The following CFTR variants were observed in gnomAD, a reference collection of about 807,000 sequenced individuals.
CFTR encodes cystic fibrosis transmembrane conductance regulator.
CFTR carries 181 observed loss-of-function variants against 171.6 expected under a neutral mutation model. The ratio of observed to expected loss-of-function variants is 1.05; its 90% CI spans 0.93 to 1.19. The LOEUF is 1.19. Ranked by LOEUF, CFTR falls within the 50% of genes most tolerant of loss-of-function variation. The pLI is 0.00. For missense variants in CFTR, 1,968 were observed against 1,734.7 expected, an observed-to-expected ratio of 1.13 and a Z score of -2.39; for synonymous variants, 583 against 608.0, an observed-to-expected ratio of 0.96 and a Z score of 0.60.
At chr7:117,500,189 G>A (rs956820342) in intron 1 of CFTR, among the ~76,000 whole-genome samples, 3 of 150,892 alleles carry the variant, frequency 2.0e-5, no homozygotes, top group Non-Finnish European at 4.4e-5. Context: ...AAGTGTCTAA[G>A]TATAGATGTC....
chr7:117,540,956 AAC>A (rs1799042746), intron 8 of CFTR, among the ~76,000 whole-genome samples: 1 of 151,996 alleles, frequency 6.6e-6, no homozygotes, highest in South Asian at 2.1e-4. Context: ...CACACACATA[AAC>A]ACACACACTC....
chr7:117,537,527 T>G (rs2116679879), intron 7 of CFTR, among the ~76,000 whole-genome samples: 1 of 152,134 alleles, frequency 6.6e-6, no homozygotes, highest in African/African-American at 2.4e-5. Context: ...CAGGGAAAAA[T>G]ATACTAAAAA....
At chr7:117,516,035 G>T (rs1798591393) in intron 3 of CFTR, among the ~76,000 whole-genome samples, 1 of 152,122 alleles carries the variant, frequency 6.6e-6, no homozygotes, top group Admixed American at 6.6e-5. Context: ...ATTAGAAATT[G>T]CTTGTGATAA....
chr7:117,608,306 G>A (rs1792332565), intron 18 of CFTR, among the ~76,000 whole-genome samples: 1 of 152,042 alleles, frequency 6.6e-6, no homozygotes, highest in African/African-American at 2.4e-5. Context: ...CTCGGTTCAA[G>A]CGATTCTCTC....
At position 117,587,766 on chromosome 7, in the gene CFTR, A is replaced by C. The variant is rs1338761294; in HGVS notation, c.1612A>C (p.Asn538His). ...EDISKFAEKD[N>H]IVLGEGGITL... ...CATCTCCAAGTTTGCAGAGAAAGACAATATAGTTCTTGGAGAAGGTGGAAT... is the reference window on the plus strand; with the variant it reads ...CATCTCCAAGTTTGCAGAGAAAGACCATATAGTTCTTGGAGAAGGTGGAAT... The change falls in exon 12 of 27, where the codon AAT becomes CAT. Residue 538 changes from asparagine (N) to histidine (H), a missense_variant. Coordinates refer to ENST00000003084, the MANE Select transcript of CFTR (RefSeq NM_000492.4). The C allele has an allele frequency of 1.2e-6, 2 of 1,611,288 alleles. No homozygotes were observed. Among genetic ancestry groups the C allele is most frequent in the African/African-American group, 2.7e-5 (2 of 74,850 alleles).
rs533582516 is a variant in CFTR at position 117,490,259 on chromosome 7, G to A, written c.53+10112G>A. 4.0e-5 allele frequency among the ~76,000 whole-genome samples: 6 copies of A among 150,420 alleles called. No individual in the cohort carries two copies. In the South Asian group the frequency reaches 1.1e-3, roughly 26 times the overall value. On this transcript the variant is annotated intron_variant, in intron 1 of 26. Coordinates refer to ENST00000003084, the MANE Select transcript of CFTR (RefSeq NM_000492.4). ...ATTATTATGATATCAAAAATTCATT[G>A]AGTATTTACTCTGCATATTAGTCAA...
chr7:117,506,535 T>C (rs950353181), intron 2 of CFTR, among the ~76,000 whole-genome samples: 1 of 152,190 alleles, frequency 6.6e-6, no homozygotes, highest in Admixed American at 6.6e-5. Flanking sequence ...TGTGAGCCAC[T>C]ATGCCCAGCT....
At chr7:117,484,818 T>C (rs1010544852) in intron 1 of CFTR, among the ~76,000 whole-genome samples, 5 of 152,036 alleles carry the variant, frequency 3.3e-5, no homozygotes, top group African/African-American at 1.2e-4. Flanking sequence ...CCTATAGTTT[T>C]TTATATGCTA....
At chr7:117,508,280 G>A (rs1370264708) in intron 2 of CFTR, among the ~76,000 whole-genome samples, 1 of 152,084 alleles carries the variant, frequency 6.6e-6, no homozygotes, top group Non-Finnish European at 1.5e-5. Context: ...AGAGAAAAAA[G>A]GCTTTCATTA....
intron 12 of CFTR, among the ~76,000 whole-genome samples, chr7:117,589,968 T>C (rs1418818809): frequency 6.6e-6 from 1 of 152,028 alleles, no homozygotes; most frequent in Non-Finnish European, 1.5e-5. Context: ...AGCATGGTAC[T>C]TGCCTCTAAA....
rs1276867493 is a variant in CFTR, at chr7:117,587,754, G to T, written c.1600G>T (p.Ala534Ser). Residue 534 changes from alanine (A) to serine (S), a missense_variant, in exon 12 of 27, where the codon GCA becomes TCA. Transcript: ENST00000003084. ...TTGGTAATAGGACATCTCCAAGTTTGCAGAGAAAGACAATATAGTTCTTGG... is the reference window on the plus strand; with the variant it reads ...TTGGTAATAGGACATCTCCAAGTTTTCAGAGAAAGACAATATAGTTCTTGG... The part of the protein sequence containing the change: ...CQLEEDISKF[A>S]EKDNIVLGEG... 1 of 1,607,968 alleles carries T rather than the reference G, an allele frequency of 6.2e-7. No homozygotes were observed. Among genetic ancestry groups the T allele is most frequent in the Non-Finnish European group, 8.5e-7 (1 of 1,174,620 alleles).
In CFTR at chr7:117,493,556, G is replaced by A. The variant is rs574621596; in HGVS notation, c.54-10697G>A. The stretch of plus-strand genomic sequence containing the variant: ...TGCTGTCCAATCCTGCCTCTCTCAA[G>A]CTTTGCTATTGATCTCCCTCCCAGT... On this transcript the variant is annotated intron_variant, in intron 1 of 26. Transcript: ENST00000003084. 2.0e-5 allele frequency among the ~76,000 whole-genome samples: 3 copies of A among 152,078 alleles called. No homozygotes were observed. The East Asian group carries it at 5.8e-4, about 29-fold the overall frequency.
chr7:117,498,694 A>G (rs1202984343), intron 1 of CFTR, among the ~76,000 whole-genome samples: 1 of 152,150 alleles, frequency 6.6e-6, no homozygotes, highest in Non-Finnish European at 1.5e-5. Context: ...AATCCTCCCT[A>G]TCATAGTCAC....
Position 117,595,027 on chromosome 7 carries a change from T to C in CFTR, c.2588T>C (p.Leu863Pro). 1.9e-6 allele frequency: 3 copies of C among 1,612,948 alleles called. No homozygotes were observed. The highest frequency in any genetic ancestry group is 2.5e-6 in the Non-Finnish European group (3 of 1,179,332). Reference protein sequence around the residue: ...ITVHKSLIFVLIWCLVIFLAE... With the variant: ...ITVHKSLIFVPIWCLVIFLAE... ...GTCCACAAGAGCTTAATTTTTGTGCTAATTTGGTGCTTAGTAATTTTTCTG... is the reference window on the plus strand; with the variant it reads ...GTCCACAAGAGCTTAATTTTTGTGCCAATTTGGTGCTTAGTAATTTTTCTG... The change falls in exon 15 of 27, where the codon CTA (leucine) becomes CCA (proline). Residue 863 changes from leucine (L) to proline (P), a missense_variant. By Grantham distance (98) the Leu-to-Pro change is moderately conservative. Coordinates refer to ENST00000003084, the MANE Select transcript of CFTR (RefSeq NM_000492.4).
At chr7:117,539,617 A>G (rs1010103463) in intron 7 of CFTR, among the ~76,000 whole-genome samples, 3 of 152,116 alleles carry the variant, frequency 2.0e-5, no homozygotes, top group Non-Finnish European at 2.9e-5. Flanking sequence ...TAGAATTTCC[A>G]AAGTGTTAAG....
intron 18 of CFTR, 94 bp from the exon 19 acceptor site, chr7:117,610,425 C>CAAA: frequency 1.4e-5 from 13 of 958,936 alleles, no homozygotes; most frequent in Middle Eastern, 2.7e-4. Flanking sequence ...TTAAAGTATG[C>CAAA]AAAAAAAAAA....
intron 26 of CFTR, 51 bp from the exon 27 acceptor site, chr7:117,666,857 C>G: frequency 6.6e-7 from 1 of 1,524,638 alleles, no homozygotes; most frequent in East Asian, 2.2e-5. Flanking sequence ...TGTCCCTGCT[C>G]TGGTCTGACC....
At chr7:117,506,539 C>A (rs906044360) in intron 2 of CFTR, among the ~76,000 whole-genome samples, 1 of 152,144 alleles carries the variant, frequency 6.6e-6, no homozygotes, top group Non-Finnish European at 1.5e-5. Context: ...AGCCACTATG[C>A]CCAGCTTTGA....
At chr7:117,624,807 T>C (rs756316971) in intron 21 of CFTR, among the ~76,000 whole-genome samples, 1 of 152,172 alleles carries the variant, frequency 6.6e-6, no homozygotes, top group Non-Finnish European at 1.5e-5. Flanking sequence ...CTTTTGGCGC[T>C]TAATGGCCAA....
Sources: allele counts gnomAD v4.1 joint callset (sites outside exome capture counted in the v4.1 genomes callset), GRCh38; gene constraint gnomAD v4.1.1; transcripts MANE v1.5; gene names NCBI Gene and HGNC (gene_info 2026-07-23, HGNC 2026-07-21).